Variants in PTPRA observed in about 807,000 individuals in gnomAD.
The protein encoded by PTPRA is receptor-type tyrosine-protein phosphatase alpha.
Under a neutral mutation model 104.8 loss-of-function variants are expected in PTPRA, and 25 were observed. The observed-to-expected ratio is 0.24, with a 90% CI of 0.17 to 0.33. The LOEUF (loss-of-function observed/expected upper bound fraction) is 0.33, where lower values mean the gene tolerates loss of function less well. Ranked by LOEUF, PTPRA falls within the 10% of genes least tolerant of loss-of-function variation. PTPRA has a pLI of 1.00. For missense variants in PTPRA, 765 were observed against 1,015.3 expected (o/e 0.75, Z 3.35); for synonymous variants, 323 against 368.9 (o/e 0.88, Z 1.43).
chr20:3,019,150 G>A (rs1411666716), intron 13 of PTPRA, among the ~76,000 whole-genome samples: 13 of 146,510 alleles, frequency 8.9e-5, no homozygotes, highest in African/African-American at 3.3e-4. Flanking sequence ...GGCCGGGCGG[G>A]GGGCTGATCC....
upstream of PTPRA, among the ~76,000 whole-genome samples, chr20:2,869,176 T>C (rs2089398839): frequency 1.3e-5 from 2 of 152,246 alleles, no homozygotes; most frequent in African/African-American, 4.8e-5. Context: ...CATTAGCATC[T>C]TACTATATCA....
At chr20:3,028,972 G>T (rs969401178) in intron 20 of PTPRA, among the ~76,000 whole-genome samples, 2 of 152,148 alleles carry the variant, frequency 1.3e-5, no homozygotes, top group Non-Finnish European at 2.9e-5. Flanking sequence ...ATGACTCATT[G>T]AATTTATAGT....
rs1007603371 is a variant in PTPRA at position 3,009,928 on chromosome 20, G to A, written c.906+2508G>A. 3.3e-5 allele frequency among the ~76,000 whole-genome samples: 5 copies of A among 151,510 alleles called. No homozygotes were observed. In the South Asian group the frequency reaches 6.3e-4, roughly 19 times the overall value. On this transcript the variant is annotated intron_variant, in intron 11 of 23. Coordinates refer to ENST00000399903, the MANE Select transcript of PTPRA (RefSeq NM_001385305.1). ...CACTGGTACGATCTTGGCTTACTACGACCTCTGCCTCCCGGGCTCAAGCGA... is the reference window on the plus strand; with the variant it reads ...CACTGGTACGATCTTGGCTTACTACAACCTCTGCCTCCCGGGCTCAAGCGA...
At chr20:3,010,236 C>G (rs375183498) in intron 11 of PTPRA, among the ~76,000 whole-genome samples, 1 of 152,104 alleles carries the variant, frequency 6.6e-6, no homozygotes, top group African/African-American at 2.4e-5. Context: ...GACATACTTA[C>G]AAAACCAGGT....
At chr20:2,929,963 C>T (rs1459609831) in intron 2 of PTPRA, among the ~76,000 whole-genome samples, 6 of 152,052 alleles carry the variant, frequency 3.9e-5, no homozygotes, top group Admixed American at 6.6e-5. Flanking sequence ...AGAGGAATGA[C>T]CAGGTGAGGA....
At chr20:2,917,769 A>C (rs2059956492) in intron 1 of PTPRA, among the ~76,000 whole-genome samples, 1 of 151,844 alleles carries the variant, frequency 6.6e-6, no homozygotes, top group Non-Finnish European at 1.5e-5. Context: ...CCTGGGAGTT[A>C]GACCAACCTG....
At chr20:2,936,645 G>GT (rs1311317554) in intron 2 of PTPRA, among the ~76,000 whole-genome samples, 1 of 146,820 alleles carries the variant, frequency 6.8e-6, no homozygotes, top group African/African-American at 2.5e-5. Context: ...TTTGTTTGGG[G>GT]TTTTTTTGGT....
chr20:2,968,491 C>G (rs1568674341), intron 5 of PTPRA, among the ~76,000 whole-genome samples: 2 of 123,474 alleles, frequency 1.6e-5, no homozygotes, highest in African/African-American at 8.9e-5. Context: ...CCTTCTCCCC[C>G]TCTTCCTTTT....
intron 10 of PTPRA, among the ~76,000 whole-genome samples, chr20:3,006,678 A>C (rs945408022): frequency 1.1e-4 from 17 of 152,174 alleles, no homozygotes; most frequent in Admixed American, 3.3e-4. Flanking sequence ...CCCAGGCTGG[A>C]GTGCAGTGGC....
intron 3 of PTPRA, among the ~76,000 whole-genome samples, chr20:2,948,713 A>T (rs1443424597): frequency 6.6e-6 from 1 of 151,878 alleles, no homozygotes; most frequent in African/African-American, 2.4e-5. Context: ...GCACTTTGGG[A>T]GGCCAAGGTG....
intron 20 of PTPRA, among the ~76,000 whole-genome samples, chr20:3,032,400 A>G (rs1167801785): frequency 6.6e-6 from 1 of 152,132 alleles, no homozygotes; most frequent in Admixed American, 6.6e-5. Flanking sequence ...AAAACAAAAA[A>G]TCTGCTAATC....
At chr20:2,926,709 C>CT (rs1235128405) in intron 2 of PTPRA, among the ~76,000 whole-genome samples, 1 of 149,540 alleles carries the variant, frequency 6.7e-6, no homozygotes, top group Non-Finnish European at 1.5e-5. Flanking sequence ...CTTCAACCTC[C>CT]TTTTTTTAGG....
intron 1 of PTPRA, among the ~76,000 whole-genome samples, chr20:2,895,264 T>C (rs1005565550): frequency 1.3e-5 from 2 of 151,538 alleles, no homozygotes; most frequent in African/African-American, 4.8e-5. Flanking sequence ...TTGGTAGAGA[T>C]GGGGCTTCAC....
At chr20:2,865,349 C>T in the PTPRA span, 3 of 1,614,014 alleles carry the variant, frequency 1.9e-6, no homozygotes, top group Admixed American at 1.7e-5. This position sits in a 1 kb window ranked among gnomAD's most constrained non-coding sequence, Gnocchi z 5.2. Flanking sequence ...ATGTGGGTCC[C>T]AGGACCACCT....
At chr20:2,889,996 G>A (rs755692340) in intron 1 of PTPRA, among the ~76,000 whole-genome samples, 21 of 151,956 alleles carry the variant, frequency 1.4e-4, no homozygotes, top group Non-Finnish European at 2.1e-4. Flanking sequence ...TGATCCTCCC[G>A]CCTCAGCCTC....
At chr20:2,941,443 C>G (rs1012848059) in intron 2 of PTPRA, among the ~76,000 whole-genome samples, 1 of 152,216 alleles carries the variant, frequency 6.6e-6, no homozygotes, top group Non-Finnish European at 1.5e-5. Flanking sequence ...TATTATCACA[C>G]CCTGTGCAGT....
At position 2,915,274 on chromosome 20, in the gene PTPRA, G is replaced by GAAT. The variant is rs1345660060; in HGVS notation, c.-128-7928_-128-7926dup. ...ACCAGGTTCCTTCCTTTCTAAGGCTGAATAATAGTTCATTGTATGTATAAT... is the reference window on the plus strand; with the variant it reads ...ACCAGGTTCCTTCCTTTCTAAGGCTGAATAATAATAGTTCATTGTATGTATAAT... On this transcript the variant is annotated intron_variant, in intron 1 of 23. Transcript: ENST00000399903. 2.0e-5 allele frequency among the ~76,000 whole-genome samples: 3 copies of GAAT among 152,000 alleles called. No individual in the cohort carries two copies. In the South Asian group the frequency reaches 6.2e-4, roughly 32 times the overall value.
At chr20:3,001,031 A>G (rs944890442) in intron 9 of PTPRA, among the ~76,000 whole-genome samples, 2 of 152,238 alleles carry the variant, frequency 1.3e-5, no homozygotes, top group African/African-American at 4.8e-5. Flanking sequence ...TGTCTTTAAA[A>G]AATGAATGAG....
intron 1 of PTPRA, among the ~76,000 whole-genome samples, chr20:2,901,184 T>A (rs563113701): frequency 6.6e-6 from 1 of 152,254 alleles, no homozygotes; most frequent in South Asian, 2.1e-4. Context: ...TTGGCCAGAC[T>A]GGCCTCGAAC....
Sources: allele counts gnomAD v4.1 joint callset (sites outside exome capture counted in the v4.1 genomes callset), GRCh38; gene constraint gnomAD v4.1.1; non-coding constraint Gnocchi (gnomAD v3.1); transcripts MANE v1.5; gene names NCBI Gene and HGNC (gene_info 2026-07-23, HGNC 2026-07-21).